Variants in NT5C2 observed in about 807,000 individuals in gnomAD.
NT5C2 encodes the protein 5'-nucleotidase, cytosolic II.
In NT5C2, 58 loss-of-function variants were observed where a neutral mutation model predicts 76.1. The ratio of observed to expected loss-of-function variants is 0.76; its 90% CI spans 0.62 to 0.95. The LOEUF is 0.95. NT5C2 is among the 40% of genes least tolerant of loss of function. NT5C2 has a pLI of 0.00. For synonymous variants in NT5C2, 229 were observed against 237.4 expected (o/e 0.96, Z 0.32); for missense variants, 478 against 690.3 (o/e 0.69, Z 3.45).
At chr10:103,122,972 A>G (rs142657478) in intron 4 of NT5C2, among the ~76,000 whole-genome samples, 1 of 152,298 alleles carries the variant, frequency 6.6e-6, no homozygotes, top group East Asian at 1.9e-4. Context: ...CCTGTGTCCC[A>G]TAAAACTTAC....
chr10:103,137,328 T>A (rs983928342), intron 4 of NT5C2, among the ~76,000 whole-genome samples: 1 of 152,130 alleles, frequency 6.6e-6, no homozygotes, highest in Non-Finnish European at 1.5e-5. Context: ...TAGAAAAACA[T>A]TAAATGCTGC....
intron 4 of NT5C2, chr10:103,111,646 G>T: frequency 5.0e-6 from 4 of 793,374 alleles, no homozygotes; most frequent in Non-Finnish European, 6.8e-6. Context: ...TTGCCACCAA[G>T]ACACACTATG....
chr10:103,105,757 T>C lies in NT5C2; in HGVS notation c.338A>G (p.Asp113Gly). 1 of 1,613,502 alleles carries C rather than the reference T, an allele frequency of 6.2e-7. No individual in the cohort carries two copies. Among genetic ancestry groups the C allele is most frequent in the Non-Finnish European group, 8.5e-7 (1 of 1,179,574 alleles). The change falls in exon 6 of 19, where the codon GAT becomes GGT. Residue 113 changes from aspartate to glycine, a missense_variant. Asp to Gly is a moderately conservative substitution (Grantham distance 94). Coordinates refer to ENST00000404739, the MANE Select transcript of NT5C2 (RefSeq NM_001351169.2). Reference protein sequence around the residue: ...DTLYGNLLKVDAYGNLLVCAH... With the variant: ...DTLYGNLLKVGAYGNLLVCAH... ...ACAGACCAAGAGGTTTCCATAGGCA[T>C]CGACTTTCAAAAGATTTCCATACAG...
intron 4 of NT5C2, among the ~76,000 whole-genome samples, chr10:103,137,684 TCA>T (rs1251751720): frequency 2.0e-5 from 3 of 152,352 alleles, no homozygotes; most frequent in Middle Eastern, 3.4e-3. Context: ...ATTCTGTGTG[TCA>T]CAGTTTCACA....
In NT5C2 at chr10:103,090,652, A is replaced by G. The variant is rs1420688161; in HGVS notation, c.1408T>C (p.Tyr470His). The stretch of plus-strand genomic sequence containing the variant: ...CTGAAGAGGTAGCTGAAAGGGTAAT[A>G]CAGCAGGTTGATGAAAGATGCTGCA... ...LYAASFINLL[Y>H]YPFSYLFRAA... The change falls in exon 18 of 19, where the codon TAT (tyrosine) becomes CAT (histidine). Residue 470 changes from tyrosine to histidine, a missense_variant. Physicochemically the swap from Tyr to His is moderately conservative, Grantham distance 83. Transcript: ENST00000404739. 1 of 1,614,036 alleles carries G rather than the reference A, an allele frequency of 6.2e-7. No homozygotes were observed. The highest frequency in any genetic ancestry group is 1.3e-5 in the African/African-American group (1 of 74,916).
chr10:103,088,740 A>C lies in NT5C2; in HGVS notation c.*932T>G, dbSNP rs1202387752. The C allele has an allele frequency of 5.6e-6, 1 of 179,382 alleles. No homozygotes were observed. The highest frequency in any genetic ancestry group is 2.4e-5 in the African/African-American group (1 of 42,356). The allele number at this position is 179,382 out of a possible 1,614,324, so 11.1% of individuals were successfully genotyped here. A position where few individuals can be genotyped will look rare whatever the true frequency, so the allele number is the denominator to read the frequency against. On this transcript the variant is annotated 3_prime_UTR_variant, in exon 19 of 19. Coordinates refer to ENST00000404739, the MANE Select transcript of NT5C2 (RefSeq NM_001351169.2). ...TCACACTGATTGTGCCCTCTACTTT[A>C]GTAAGGTTCTGGCTTACAGAGCCCT... is the stretch of plus-strand genomic sequence containing the variant.
At chr10:103,151,800 CCATTT>C (rs2082452793) in intron 3 of NT5C2, among the ~76,000 whole-genome samples, 1 of 152,042 alleles carries the variant, frequency 6.6e-6, no homozygotes, top group African/African-American at 2.4e-5. Context: ...CAAAATGTAT[CCATTT>C]ATTTCTAAAG....
At position 103,174,988 on chromosome 10, in the gene NT5C2, A is replaced by G. The variant is rs573131705; in HGVS notation, c.-24-6T>C. The G allele has an allele frequency of 7.0e-7, 1 of 1,433,094 alleles. No homozygotes were observed. The highest frequency in any genetic ancestry group is 1.1e-5 in the South Asian group (1 of 87,246). The allele number at this position is 1,433,094 out of a possible 1,614,324, so 88.8% of individuals were successfully genotyped here. ...TTTTAACTGTATTTTGTATTCTAGA[A>G]AAGAAAATCATTAATTTAGTAACTT... On this transcript the variant is annotated splice_polypyrimidine_tract_variant and splice_region_variant and intron_variant, in intron 2 of 18. Transcript: ENST00000404739.
At chr10:103,180,780 C>A (rs1205420372) in intron 2 of NT5C2, among the ~76,000 whole-genome samples, 1 of 151,384 alleles carries the variant, frequency 6.6e-6, no homozygotes, top group African/African-American at 2.4e-5. Context: ...CCAGAAACTA[C>A]AAACAACCCA....
intron 3 of NT5C2, chr10:103,153,453 T>G (rs935616672): frequency 4.4e-6 from 5 of 1,131,986 alleles, no homozygotes; most frequent in Non-Finnish European, 5.5e-6. Flanking sequence ...GAACCCTAAC[T>G]AGGCAATATC....
chr10:103,148,033 A>G (rs530510301), intron 3 of NT5C2, among the ~76,000 whole-genome samples: 2 of 152,340 alleles, frequency 1.3e-5, no homozygotes, highest in African/African-American at 4.8e-5. Flanking sequence ...TCAGTCTGCC[A>G]TTATGTCTCC....
At chr10:103,109,812 A>G (rs552204398) in intron 4 of NT5C2, among the ~76,000 whole-genome samples, 1 of 152,362 alleles carries the variant, frequency 6.6e-6, no homozygotes, top group African/African-American at 2.4e-5. Flanking sequence ...AGCACAAATT[A>G]ATGTACTCAT....
chr10:103,183,313 CCT>C (rs1336977082), intron 1 of NT5C2, among the ~76,000 whole-genome samples: 5 of 97,096 alleles, frequency 5.1e-5, no homozygotes, highest in East Asian at 4.1e-4. Context: ...CCTTCCCTCC[CCT>C]CTTTCCTGAA....
chr10:103,116,802 T>A (rs778284740), intron 4 of NT5C2, among the ~76,000 whole-genome samples: 8 of 151,830 alleles, frequency 5.3e-5, no homozygotes, highest in Non-Finnish European at 1.0e-4. Flanking sequence ...CTAGAACTCC[T>A]GGCCTTAAGT....
intron 4 of NT5C2, among the ~76,000 whole-genome samples, chr10:103,108,025 G>A (rs2071828045): frequency 6.6e-6 from 1 of 151,982 alleles, no homozygotes. Flanking sequence ...CGTTGTGGCG[G>A]GCACCTGTAA....
chr10:103,092,364 A>G (rs111842178), intron 15 of NT5C2, among the ~76,000 whole-genome samples: 6 of 138,464 alleles, frequency 4.3e-5, no homozygotes, highest in South Asian at 4.7e-4. Flanking sequence ...TGTCATGTCT[A>G]TCTTTATACA....
intron 3 of NT5C2, among the ~76,000 whole-genome samples, chr10:103,145,796 C>A (rs2081364483): frequency 6.6e-6 from 1 of 152,058 alleles, no homozygotes; most frequent in African/African-American, 2.4e-5. Flanking sequence ...AATATAAAGA[C>A]AAATGTAACA....
intron 1 of NT5C2, among the ~76,000 whole-genome samples, chr10:103,184,742 T>C (rs2091792341): frequency 1.3e-5 from 2 of 152,186 alleles, no homozygotes; most frequent in African/African-American, 2.4e-5. Flanking sequence ...GGTTCACAAA[T>C]ACATAAGATT....
intron 1 of NT5C2, among the ~76,000 whole-genome samples, chr10:103,191,400 AG>A: frequency 5.6e-5 from 4 of 71,994 alleles, no homozygotes; most frequent in Non-Finnish European, 1.3e-4. Context: ...AAAAAAAAAG[AG>A]AGAGAGAGGA....
Sources: gnomAD v4.1 joint callset for allele counts (sites outside exome capture counted in the v4.1 genomes callset) on GRCh38, gnomAD v4.1.1 for gene constraint, MANE v1.5 for transcripts, NCBI Gene and HGNC (gene_info 2026-07-23, HGNC 2026-07-21) for gene names.